The following GAS2 variants were observed in gnomAD, a reference collection of about 807,000 sequenced individuals.
The protein encoded by GAS2 is growth arrest specific 2, also known as growth arrest-specific protein 2.
Under a neutral mutation model 37.5 loss-of-function variants are expected in GAS2, and 20 were observed. The ratio of observed to expected loss-of-function variants is 0.53; its 90% CI spans 0.37 to 0.77. The LOEUF (loss-of-function observed/expected upper bound fraction) is 0.77. Among genes scored for constraint, GAS2 ranks in the 30% least tolerant of loss-of-function variants. The probability of loss-of-function intolerance (pLI) is 0.00; values close to 1 mark genes in which losing one functional copy is unlikely to be tolerated. For synonymous variants in GAS2, 144 were observed against 132.2 expected, an observed-to-expected ratio of 1.09 and a Z score of -0.61; for missense variants, 336 against 373.4, an observed-to-expected ratio of 0.90 and a Z score of 0.82.
intron 1 of GAS2, among the ~76,000 whole-genome samples, chr11:22,640,303 A>T (rs553816292): frequency 6.6e-6 from 1 of 152,216 alleles, no homozygotes; most frequent in South Asian, 2.1e-4. Flanking sequence ...TGTATATTCT[A>T]CAAATTAGAG....
rs540110525 is a variant in GAS2, at chr11:22,768,453, A to G, written c.723+12500A>G. Among the ~76,000 whole-genome samples, 15 of 152,266 alleles carry G rather than the reference A, an allele frequency of 9.9e-5. No individual in the cohort carries two copies. The South Asian group carries it at 3.1e-3, about 32-fold the overall frequency. ...ACACCAGCTTTTCATGCCAACTTCT[A>G]ATCTCCCAGCACTACACTCACAGCT... On this transcript the variant is annotated intron_variant, in intron 7 of 7. Transcript: ENST00000454584.
chr11:22,689,753 A>G (rs1301209775), intron 3 of GAS2, among the ~76,000 whole-genome samples: 2 of 152,322 alleles, frequency 1.3e-5, no homozygotes, highest in South Asian at 2.1e-4. Context: ...TTCCCATGGG[A>G]AAAAATGAGG....
At chr11:22,702,809 T>C (rs1472205988) in intron 3 of GAS2, among the ~76,000 whole-genome samples, 2 of 152,134 alleles carry the variant, frequency 1.3e-5, no homozygotes, top group African/African-American at 2.4e-5. Context: ...GCTGAGAATC[T>C]ACATATTTCA....
chr11:22,782,807 A>G (rs1353635214), intron 7 of GAS2, among the ~76,000 whole-genome samples: 1 of 137,702 alleles, frequency 7.3e-6, no homozygotes, highest in Non-Finnish European at 1.5e-5. Context: ...TCTACGTACC[A>G]TGGTATATAT....
intron 1 of GAS2, among the ~76,000 whole-genome samples, chr11:22,669,659 A>T (rs1274318249): frequency 6.6e-6 from 1 of 152,202 alleles, no homozygotes; most frequent in Non-Finnish European, 1.5e-5. Flanking sequence ...CTCTTAGGCT[A>T]CCAACCCCTT....
intron 5 of GAS2, among the ~76,000 whole-genome samples, chr11:22,744,510 A>G (rs533426073): frequency 2.2e-4 from 33 of 152,298 alleles, no homozygotes; most frequent in African/African-American, 6.5e-4. Flanking sequence ...AAATCAATAA[A>G]TGTAATTTAC....
At chr11:22,681,836 T>A (rs1349810899) in intron 2 of GAS2, among the ~76,000 whole-genome samples, 1 of 151,856 alleles carries the variant, frequency 6.6e-6, no homozygotes, top group Non-Finnish European at 1.5e-5. Flanking sequence ...ATATTATATT[T>A]TTTTGAAAAA....
chr11:22,756,012 G>C, intron 7 of GAS2, 59 bp downstream of exon 7: 1 of 1,206,666 alleles, frequency 8.3e-7, no homozygotes, highest in Non-Finnish European at 1.2e-6. Flanking sequence ...TTTGAGTTAG[G>C]GGAAATATGA....
At chr11:22,679,905 A>G (rs1267488813) in intron 2 of GAS2, among the ~76,000 whole-genome samples, 1 of 152,184 alleles carries the variant, frequency 6.6e-6, no homozygotes, top group African/African-American at 2.4e-5. Flanking sequence ...AGTTGATGTC[A>G]TGGTAATTTT....
At chr11:22,654,172 T>A (rs1300959091) in intron 1 of GAS2, among the ~76,000 whole-genome samples, 1 of 152,206 alleles carries the variant, frequency 6.6e-6, no homozygotes. Flanking sequence ...TTGTTTTACA[T>A]CGTTAATTCT....
chr11:22,792,068 G>T (rs779736413), intron 7 of GAS2, among the ~76,000 whole-genome samples: 1 of 152,192 alleles, frequency 6.6e-6, no homozygotes, highest in Non-Finnish European at 1.5e-5. Context: ...GTGCAAGCAG[G>T]AACATATCAT....
intron 2 of GAS2, among the ~76,000 whole-genome samples, chr11:22,680,015 G>A (rs385907): frequency 0.37 from 55,893 of 151,692 alleles, 11,281 homozygotes; most frequent in African/African-American, 0.55. Context: ...AGTTATTCTT[G>A]AAAAATAACA....
intron 7 of GAS2, 72 bp from the exon 8 acceptor site, chr11:22,811,726 A>G (rs780032585): frequency 2.0e-5 from 28 of 1,405,754 alleles, no homozygotes; most frequent in Non-Finnish European, 2.7e-5. Flanking sequence ...TAATTTCACT[A>G]GAACCAGGGG....
intron 3 of GAS2, among the ~76,000 whole-genome samples, chr11:22,701,596 A>T (rs1304775722): frequency 6.6e-6 from 1 of 152,206 alleles, no homozygotes; most frequent in African/African-American, 2.4e-5. Context: ...TGGGAGGCCA[A>T]GGCAGGTGGA....
chr11:22,749,173 A>T lies in GAS2; in HGVS notation c.527A>T (p.Glu176Val). 6.2e-7 allele frequency: 1 copy of T among 1,612,730 alleles called. No individual in the cohort carries two copies. Among genetic ancestry groups the T allele is most frequent in the Non-Finnish European group, 8.5e-7 (1 of 1,179,244 alleles). ...AAGCTGGAAAAAGAGATTGAACAAG[A>T]AGAAACACTTTCTGCCCCTTCTCCT... ...LIKLEKEIEQEETLSAPSPSP... is the reference protein window; with the variant it reads ...LIKLEKEIEQVETLSAPSPSP... Residue 176 changes from glutamate to valine, a missense_variant, in exon 6 of 8, where the codon GAA becomes GTA. By Grantham distance (121) the Glu-to-Val change is moderately radical. Coordinates refer to ENST00000454584, the MANE Select transcript of GAS2 (RefSeq NM_001143830.3).
chr11:22,640,789 G>C (rs1006666886), intron 1 of GAS2, among the ~76,000 whole-genome samples: 2 of 152,036 alleles, frequency 1.3e-5, no homozygotes, highest in African/African-American at 4.8e-5. Flanking sequence ...CCTTTTAAAT[G>C]CTCTTTGGTT....
At chr11:22,795,451 G>T (rs11826222) in intron 7 of GAS2, among the ~76,000 whole-genome samples, 18,977 of 152,102 alleles carry the variant, frequency 0.12, 1,297 homozygotes, top group Non-Finnish European at 0.15. Context: ...GGGTGATTAG[G>T]ATAAGCCTCA....
At chr11:22,631,946 CTTTTTTTTTT>C (rs35928910) in intron 1 of GAS2, among the ~76,000 whole-genome samples, 1 of 82,968 alleles carries the variant, frequency 1.2e-5, no homozygotes, top group African/African-American at 4.3e-5. Context: ...TGGCCCTGGA[CTTTTTTTTTT>C]TTTTTTTTTT....
chr11:22,767,333 C>T (rs12225923), intron 7 of GAS2, among the ~76,000 whole-genome samples: 25,608 of 151,870 alleles, frequency 0.17, 2,125 homozygotes, highest in East Asian at 0.24. Context: ...CTTCACACAG[C>T]AAAATTTCCT....
Sources: allele counts gnomAD v4.1 joint callset (sites outside exome capture counted in the v4.1 genomes callset), GRCh38; gene constraint gnomAD v4.1.1; transcripts MANE v1.5; gene names NCBI Gene and HGNC (gene_info 2026-07-23, HGNC 2026-07-21).